Variants in CTNNA2 observed in about 807,000 individuals in gnomAD.
CTNNA2 encodes catenin alpha 2, also known as catenin alpha-2.
A neutral mutation model predicts 101.0 loss-of-function variants in CTNNA2; 42 were observed. That is an observed-to-expected ratio of 0.42 (90% CI 0.32 to 0.54). The LOEUF is 0.54. CTNNA2 is among the 20% of genes least tolerant of loss of function. CTNNA2 has a pLI of 0.14. For synonymous variants in CTNNA2, 450 were observed against 456.4 expected (o/e 0.99, Z 0.18); for missense variants, 871 against 1,223.1 (o/e 0.71, Z 4.29).
chr2:79,644,769 C>CT (rs1680688977), intron 1 of CTNNA2, among the ~76,000 whole-genome samples: 1 of 152,096 alleles, frequency 6.6e-6, no homozygotes, highest in African/African-American at 2.4e-5. Context: ...TCTAACATTC[C>CT]TTTATATCTC....
At chr2:80,383,502 A>G (rs950298652) in intron 7 of CTNNA2, among the ~76,000 whole-genome samples, 2 of 152,218 alleles carry the variant, frequency 1.3e-5, no homozygotes. Flanking sequence ...AACACTAGGT[A>G]GCATACTGTA....
intron 7 of CTNNA2, among the ~76,000 whole-genome samples, chr2:80,171,302 G>T (rs988143926): frequency 6.6e-6 from 1 of 152,184 alleles, no homozygotes; most frequent in Non-Finnish European, 1.5e-5. Context: ...AAAAATGAAG[G>T]TGCTGATCTT....
At chr2:80,383,268 A>C (rs1444937807) in intron 7 of CTNNA2, among the ~76,000 whole-genome samples, 1 of 152,186 alleles carries the variant, frequency 6.6e-6, no homozygotes, top group African/African-American at 2.4e-5. Flanking sequence ...GAAGTGGGTG[A>C]AATTTATTTT....
intron 4 of CTNNA2, among the ~76,000 whole-genome samples, chr2:79,397,156 T>G (rs761414711): frequency 4.6e-5 from 7 of 152,202 alleles, no homozygotes; most frequent in Non-Finnish European, 8.8e-5. Flanking sequence ...ATACAATGTA[T>G]AATGATTTTG....
chr2:80,300,626 C>A (rs1486224738), intron 7 of CTNNA2, among the ~76,000 whole-genome samples: 5 of 150,974 alleles, frequency 3.3e-5, no homozygotes, highest in South Asian at 2.1e-4. Flanking sequence ...TTCTCTCTCT[C>A]AAAAAAAAGG....
At chr2:79,994,666 A>T (rs1283423570) in intron 7 of CTNNA2, among the ~76,000 whole-genome samples, 2 of 152,150 alleles carry the variant, frequency 1.3e-5, no homozygotes, top group Admixed American at 1.3e-4. Context: ...GAGGAAATTA[A>T]TTTTTATTTT....
chr2:79,982,507 G>GCA (rs1161421508), intron 7 of CTNNA2, among the ~76,000 whole-genome samples: 4 of 135,734 alleles, frequency 2.9e-5, no homozygotes, highest in South Asian at 2.5e-4. Context: ...ACACATGCAC[G>GCA]CACACACACA....
chr2:79,831,806 G>A (rs1028484261), intron 3 of CTNNA2, among the ~76,000 whole-genome samples: 7 of 147,606 alleles, frequency 4.7e-5, no homozygotes, highest in Non-Finnish European at 7.5e-5. Context: ...AAAAAAAAAA[G>A]TTTGAATTCC....
intron 14 of CTNNA2, among the ~76,000 whole-genome samples, chr2:80,584,249 A>G (rs1430728757): frequency 6.6e-6 from 1 of 152,166 alleles, no homozygotes; most frequent in Non-Finnish European, 1.5e-5. Context: ...GTTCACATTT[A>G]GAGAAAGTCT....
At chr2:80,434,776 T>G (rs1681885706) in intron 9 of CTNNA2, among the ~76,000 whole-genome samples, 1 of 152,072 alleles carries the variant, frequency 6.6e-6, no homozygotes, top group South Asian at 2.1e-4. Flanking sequence ...AGGAGATCAC[T>G]AGGCAGAGAA....
At chr2:79,837,964 A>G (rs1679517793) in intron 3 of CTNNA2, among the ~76,000 whole-genome samples, 1 of 152,132 alleles carries the variant, frequency 6.6e-6, no homozygotes, top group Non-Finnish European at 1.5e-5. Flanking sequence ...GATTTTCTAC[A>G]ATATTTCTGA....
chr2:79,763,130 T>G (rs1359391013), intron 3 of CTNNA2, among the ~76,000 whole-genome samples: 3 of 152,214 alleles, frequency 2.0e-5, no homozygotes, highest in African/African-American at 7.2e-5. Context: ...GCTCTCCCCT[T>G]TTATCTTTCC....
intron 9 of CTNNA2, among the ~76,000 whole-genome samples, chr2:80,538,939 A>C (rs1412613130): frequency 1.3e-5 from 2 of 152,132 alleles, no homozygotes; most frequent in South Asian, 4.1e-4. Context: ...GAAGTCCTTC[A>C]CATCCCTTGA....
intron 2 of CTNNA2, among the ~76,000 whole-genome samples, chr2:79,203,205 A>T (rs1674059854): frequency 6.6e-6 from 1 of 152,172 alleles, no homozygotes; most frequent in Non-Finnish European, 1.5e-5. Context: ...GGCAGTCCCC[A>T]AATCTCCAAA....
Position 79,673,370 on chromosome 2 carries a change from T to G in CTNNA2, c.102+21712T>G, listed in dbSNP as rs1319108512. On this transcript the variant is annotated intron_variant, in intron 2 of 18. Coordinates refer to ENST00000402739, the MANE Select transcript of CTNNA2 (RefSeq NM_001282597.3). ...TTTAAAGTGAACGGTTACCTTTATC[T>G]TTTTAAAAATATAAACTTGAATTTC... Among the ~76,000 whole-genome samples the G allele has an allele frequency of 5.3e-5, 8 of 152,272 alleles. No homozygotes were observed. The East Asian group carries it at 1.5e-3, about 29-fold the overall frequency.
At chr2:80,263,509 T>A (rs1672773158) in intron 7 of CTNNA2, among the ~76,000 whole-genome samples, 1 of 152,094 alleles carries the variant, frequency 6.6e-6, no homozygotes, top group African/African-American at 2.4e-5. Flanking sequence ...TAATTTTCTG[T>A]CTTTTTAGTA....
At chr2:80,556,550 A>G (rs1693052978) in intron 12 of CTNNA2, among the ~76,000 whole-genome samples, 1 of 152,092 alleles carries the variant, frequency 6.6e-6, no homozygotes, top group African/African-American at 2.4e-5. Flanking sequence ...ATGGTTACTT[A>G]TGGGAGCTTG....
At chr2:80,014,608 C>T (rs1311184697) in intron 7 of CTNNA2, among the ~76,000 whole-genome samples, 1 of 152,182 alleles carries the variant, frequency 6.6e-6, no homozygotes, top group Non-Finnish European at 1.5e-5. Flanking sequence ...TCTTCACTGA[C>T]ACCCAGACTA....
intron 7 of CTNNA2, among the ~76,000 whole-genome samples, chr2:80,047,974 G>A (rs918967346): frequency 6.6e-6 from 1 of 152,150 alleles, no homozygotes; most frequent in South Asian, 2.1e-4. Context: ...ATTCATGTTT[G>A]TGTGTTTTAT....
Sources: allele counts gnomAD v4.1 joint callset (sites outside exome capture counted in the v4.1 genomes callset), GRCh38; gene constraint gnomAD v4.1.1; transcripts MANE v1.5; gene names NCBI Gene and HGNC (gene_info 2026-07-23, HGNC 2026-07-21).